The following PTPRD variants were observed in gnomAD, a reference collection of about 807,000 sequenced individuals.
PTPRD encodes protein tyrosine phosphatase receptor type D, also known as receptor-type tyrosine-protein phosphatase delta.
Under a neutral mutation model 214.5 loss-of-function variants are expected in PTPRD, and 34 were observed. That is an observed-to-expected ratio of 0.16 (90% CI 0.12 to 0.21). The LOEUF is 0.21. Among genes scored for constraint, PTPRD ranks in the 10% least tolerant of loss-of-function variants. The pLI, the probability that PTPRD is intolerant of heterozygous loss-of-function variation, is 1.00. For synonymous variants in PTPRD, 1,128 were observed against 845.7 expected, an observed-to-expected ratio of 1.33 and a Z score of -5.79; for missense variants, 2,545 against 2,398.7, an observed-to-expected ratio of 1.06 and a Z score of -1.27.
At chr9:9,159,229 A>G (rs2099884133) in intron 10 of PTPRD, among the ~76,000 whole-genome samples, 1 of 152,208 alleles carries the variant, frequency 6.6e-6, no homozygotes, top group Non-Finnish European at 1.5e-5. Context: ...GGAAAGAAAC[A>G]AAAGAACTAC....
intron 5 of PTPRD, among the ~76,000 whole-genome samples, chr9:9,864,358 CA>C (rs2063477841): frequency 6.6e-6 from 1 of 150,456 alleles, no homozygotes; most frequent in African/African-American, 2.4e-5. Flanking sequence ...GTGGGATATA[CA>C]GATATAGCTA....
intron 26 of PTPRD, 69 bp downstream of exon 26, chr9:8,497,173 A>G: frequency 7.5e-7 from 1 of 1,330,430 alleles, no homozygotes. Flanking sequence ...ATCACAAATA[A>G]GTGAAAGGAT....
intron 9 of PTPRD, among the ~76,000 whole-genome samples, chr9:9,189,309 A>T (rs138827343): frequency 6.9e-4 from 105 of 152,236 alleles, no homozygotes; most frequent in South Asian, 2.1e-3. Context: ...GAGGAAGTTG[A>T]GGTGCACAGT....
intron 11 of PTPRD, among the ~76,000 whole-genome samples, chr9:8,759,356 G>A (rs931862055): frequency 1.3e-5 from 2 of 151,918 alleles, no homozygotes; most frequent in Admixed American, 6.6e-5. Flanking sequence ...CCGGCCTAAT[G>A]TTATTTAATT....
At chr9:8,422,049 G>C (rs12344720) in intron 35 of PTPRD, among the ~76,000 whole-genome samples, 3 of 145,228 alleles carry the variant, frequency 2.1e-5, no homozygotes, top group South Asian at 2.3e-4. Flanking sequence ...GGGAGGCTGA[G>C]ATGGGAGGAT....
chr9:8,418,862 A>G (rs1393031985), intron 35 of PTPRD, among the ~76,000 whole-genome samples: 3 of 152,096 alleles, frequency 2.0e-5, no homozygotes, highest in South Asian at 2.1e-4. Flanking sequence ...AGTATACTGG[A>G]AGAATAAAAA....
chr9:9,955,636 G>A (rs1307147067), intron 4 of PTPRD, among the ~76,000 whole-genome samples: 1 of 151,340 alleles, frequency 6.6e-6, no homozygotes, highest in African/African-American at 2.4e-5. Flanking sequence ...CCATTCTCCT[G>A]CCTCAGCCTC....
At chr9:9,174,061 A>C (rs1205917918) in intron 10 of PTPRD, among the ~76,000 whole-genome samples, 1 of 152,238 alleles carries the variant, frequency 6.6e-6, no homozygotes. Flanking sequence ...TTTAAAAAAT[A>C]CTATGAGAAG....
At chr9:9,682,571 G>C (rs138270532) in intron 7 of PTPRD, among the ~76,000 whole-genome samples, 3 of 151,852 alleles carry the variant, frequency 2.0e-5, no homozygotes, top group African/African-American at 7.2e-5. Flanking sequence ...GTTGGGGAAA[G>C]AAAAGAAGGT....
At chr9:10,276,615 T>C (rs137886049) in intron 3 of PTPRD, among the ~76,000 whole-genome samples, 1 of 152,322 alleles carries the variant, frequency 6.6e-6, no homozygotes, top group East Asian at 1.9e-4. Flanking sequence ...TTAAAGCCTA[T>C]AAAATTCACT....
chr9:8,951,983 T>G (rs186880799), intron 11 of PTPRD, among the ~76,000 whole-genome samples: 1 of 152,172 alleles, frequency 6.6e-6, no homozygotes, highest in East Asian at 1.9e-4. Flanking sequence ...AATTGATTTC[T>G]GAAAGGCCAT....
chr9:9,152,789 G>T (rs972554917), intron 10 of PTPRD, among the ~76,000 whole-genome samples: 1 of 152,176 alleles, frequency 6.6e-6, no homozygotes, highest in African/African-American at 2.4e-5. Flanking sequence ...TGGCTGTTGA[G>T]TAGACTTTGC....
intron 3 of PTPRD, among the ~76,000 whole-genome samples, chr9:10,083,576 G>A (rs114679389): frequency 0.013 from 1,930 of 152,016 alleles, 32 homozygotes; most frequent in African/African-American, 0.044. Flanking sequence ...ATATATAAAT[G>A]CAAATTCAGG....
chr9:8,758,422 T>G (rs1423172024), intron 11 of PTPRD, among the ~76,000 whole-genome samples: 2 of 152,136 alleles, frequency 1.3e-5, no homozygotes, highest in Non-Finnish European at 2.9e-5. Flanking sequence ...CAAATTAGGG[T>G]ATGATATTTG....
chr9:8,875,014 C>T (rs1220631892), intron 11 of PTPRD, among the ~76,000 whole-genome samples: 2 of 152,126 alleles, frequency 1.3e-5, no homozygotes, highest in Admixed American at 1.3e-4. Context: ...GGGCTGTGCT[C>T]ATCAGTGGTA....
chr9:8,663,487 T>C (rs2097107015), intron 12 of PTPRD, among the ~76,000 whole-genome samples: 1 of 152,072 alleles, frequency 6.6e-6, no homozygotes, highest in African/African-American at 2.4e-5. Flanking sequence ...TAGTGTATTT[T>C]TGTTGTTGTT....
At chr9:9,343,883 C>T (rs2047791100) in intron 9 of PTPRD, among the ~76,000 whole-genome samples, 2 of 152,036 alleles carry the variant, frequency 1.3e-5, no homozygotes, top group South Asian at 4.1e-4. Flanking sequence ...TCTTTAGGGT[C>T]CAATACCAAT....
At chr9:8,569,875 T>C (rs1379314658) in intron 14 of PTPRD, among the ~76,000 whole-genome samples, 2 of 152,124 alleles carry the variant, frequency 1.3e-5, no homozygotes, top group African/African-American at 2.4e-5. Context: ...CAACACAATA[T>C]TTGGATATTT....
chr9:9,423,192 G>C (rs2142699564), intron 8 of PTPRD, among the ~76,000 whole-genome samples: 1 of 152,202 alleles, frequency 6.6e-6, no homozygotes. Flanking sequence ...ATGAAATGAA[G>C]GTTTGTGTCC....
Sources: gnomAD v4.1 joint callset for allele counts (sites outside exome capture counted in the v4.1 genomes callset) on GRCh38, gnomAD v4.1.1 for gene constraint, MANE v1.5 for transcripts, NCBI Gene and HGNC (gene_info 2026-07-23, HGNC 2026-07-21) for gene names.